EFHD1: variants seen among roughly 807,000 people sequenced by gnomAD.
The protein encoded by EFHD1 is EF-hand domain family member D1, also known as EF-hand domain-containing protein D1.
Under a neutral mutation model 17.2 loss-of-function variants are expected in EFHD1, and 10 were observed. That is an observed-to-expected ratio of 0.58 (90% CI 0.36 to 0.99). The LOEUF is 0.99. EFHD1 is among the 50% of genes least tolerant of loss of function. The pLI is 0.01. For missense variants in EFHD1, 310 were observed against 327.5 expected, an observed-to-expected ratio of 0.95 and a Z score of 0.41; for synonymous variants, 153 against 142.0, an observed-to-expected ratio of 1.08 and a Z score of -0.55.
intron 1 of EFHD1, among the ~76,000 whole-genome samples, chr2:232,650,641 T>A (rs1367812746): frequency 6.8e-6 from 1 of 147,102 alleles, no homozygotes; most frequent in African/African-American, 2.5e-5. Flanking sequence ...CGATCTTGGC[T>A]CATTGCAACC....
rs185816298 is a variant in EFHD1 at position 232,681,702 on chromosome 2, G to A, written c.703G>A (p.Ala235Thr). ...LRQAAFQKLK[A>T]NFNT The stretch of plus-strand genomic sequence containing the variant: ...CCAGGCAGCCTTCCAGAAACTCAAG[G>A]CCAACTTCAATACATAGTCCTGCTG... Residue 235 changes from alanine to threonine, a missense_variant, in exon 4 of 4, where the codon GCC becomes ACC. Ala to Thr is a moderately conservative substitution (Grantham distance 58). Transcript: ENST00000264059. 1.5e-4 allele frequency: 250 copies of A among 1,614,184 alleles called. 1 individual carries two copies. The East Asian group carries it at 5.3e-3, about 35-fold the overall frequency.
intron 2 of EFHD1, among the ~76,000 whole-genome samples, chr2:232,663,422 A>C (rs1203212720): frequency 6.6e-6 from 1 of 151,882 alleles, no homozygotes; most frequent in Admixed American, 6.6e-5. Flanking sequence ...CCCAGGCTGG[A>C]GTGCAATGGT....
intron 1 of EFHD1, among the ~76,000 whole-genome samples, chr2:232,619,861 G>C (rs1323831367): frequency 6.6e-6 from 1 of 151,868 alleles, no homozygotes. Flanking sequence ...CTATGATCAG[G>C]CCACTGCACT....
In EFHD1 at chr2:232,662,925, C is replaced by G; in HGVS notation, c.426C>G (p.Phe142Leu). ...TGATCAAGGAGGTGGATGAGGACTT[C>G]GATGGCAAGCTCAGCTTCCGGGAGG... ...KSMIKEVDED[F>L]DGKLSFREFL... Residue 142 changes from phenylalanine (F) to leucine (L), a missense_variant, in exon 2 of 4, where the codon TTC becomes TTG. Phe to Leu is a conservative substitution (Grantham distance 22). Transcript: ENST00000264059. 6.3e-7 allele frequency: 1 copy of G among 1,589,868 alleles called. No individual in the cohort carries two copies. The highest frequency in any genetic ancestry group is 8.5e-7 in the Non-Finnish European group (1 of 1,170,908).
chr2:232,607,607 T>A (rs1574694914), intron 1 of EFHD1, among the ~76,000 whole-genome samples: 1 of 149,574 alleles, frequency 6.7e-6, no homozygotes, highest in African/African-American at 2.5e-5. Context: ...AAAAAAAAAA[T>A]TAGCTGGGTG....
upstream of EFHD1, chr2:232,633,116 C>T (rs1365717406): frequency 6.6e-6 from 1 of 152,212 alleles, no homozygotes; most frequent in African/African-American, 2.4e-5. Context: ...AGCAGCTCCC[C>T]CGCCCCACGC....
At chr2:232,638,070 G>T in intron 1 of EFHD1, 2 of 220,612 alleles carry the variant, frequency 9.1e-6, no homozygotes, top group Non-Finnish European at 1.9e-5. Context: ...TTCCAAGCCT[G>T]TTACTGGATA....
chr2:232,637,409 T>C (rs1472122558), intron 1 of EFHD1, among the ~76,000 whole-genome samples: 2 of 149,548 alleles, frequency 1.3e-5, no homozygotes, highest in African/African-American at 4.9e-5. Context: ...AGTGGTGCGA[T>C]CTTGGCTCGC....
upstream of EFHD1, among the ~76,000 whole-genome samples, chr2:232,630,120 TTG>T (rs1694176950): frequency 6.6e-6 from 1 of 152,082 alleles, no homozygotes; most frequent in African/African-American, 2.4e-5. Context: ...CAGCTAATTT[TTG>T]TGTTTTTAGT....
At chr2:232,673,980 C>T (rs1695126549) in intron 3 of EFHD1, among the ~76,000 whole-genome samples, 2 of 147,428 alleles carry the variant, frequency 1.4e-5, no homozygotes, top group African/African-American at 5.0e-5. Flanking sequence ...ACGATCTTGG[C>T]TCACTGGCAC....
intron 3 of EFHD1, among the ~76,000 whole-genome samples, chr2:232,673,735 T>C (rs1695120507): frequency 6.6e-6 from 1 of 152,084 alleles, no homozygotes; most frequent in Admixed American, 6.6e-5. Context: ...ACCCAGCTTT[T>C]TATTTTATTT....
intron 1 of EFHD1, among the ~76,000 whole-genome samples, chr2:232,660,611 G>A (rs986360680): frequency 5.9e-5 from 9 of 152,162 alleles, no homozygotes; most frequent in Non-Finnish European, 8.8e-5. Context: ...CTGGGACTAC[G>A]GGTGGGCATA....
At chr2:232,633,422 G>A (rs1574708775), upstream of EFHD1, 3 of 1,174,024 alleles carry the variant, frequency 2.6e-6, no homozygotes, top group South Asian at 3.8e-5. Context: ...CGGAGCCGCG[G>A]GGAGAGGAAG....
At chr2:232,679,555 A>G (rs1465378172) in intron 3 of EFHD1, among the ~76,000 whole-genome samples, 1 of 151,806 alleles carries the variant, frequency 6.6e-6, no homozygotes, top group Non-Finnish European at 1.5e-5. Context: ...TCTCTACAAA[A>G]AATTGAAAAA....
At chr2:232,621,492 G>A (rs996032944) in intron 1 of EFHD1, among the ~76,000 whole-genome samples, 3 of 151,566 alleles carry the variant, frequency 2.0e-5, no homozygotes, top group African/African-American at 4.9e-5. Flanking sequence ...TCACTCTGTC[G>A]CCCAGGCTAG....
At chr2:232,652,904 A>C (rs1434362902) in intron 1 of EFHD1, among the ~76,000 whole-genome samples, 1 of 152,162 alleles carries the variant, frequency 6.6e-6, no homozygotes, top group Non-Finnish European at 1.5e-5. Context: ...TCTGGTGTAT[A>C]TATCCTGGCT....
At chr2:232,607,446 A>T (rs372426240) in intron 1 of EFHD1, among the ~76,000 whole-genome samples, 1 of 148,482 alleles carries the variant, frequency 6.7e-6, no homozygotes, top group African/African-American at 2.5e-5. Context: ...AAAAAAAAAA[A>T]AGCCTGGCGT....
intron 1 of EFHD1, among the ~76,000 whole-genome samples, chr2:232,656,031 C>T (rs1694755175): frequency 6.6e-6 from 1 of 152,082 alleles, no homozygotes; most frequent in Non-Finnish European, 1.5e-5. Context: ...TGGTCTTGAT[C>T]TCCTGACCGC....
In EFHD1 at chr2:232,662,976, C is replaced by T. The variant is rs765773993; in HGVS notation, c.450+27C>T. On this transcript the variant is annotated intron_variant, in intron 2 of 3. Transcript: ENST00000264059. ...TACCTGCCTGCTGTGGCCCTGAGCC[C>T]CTGTGGGGTGCCCCTGAGAGGACCT... 7.8e-6 allele frequency: 12 copies of T among 1,540,358 alleles called. No homozygotes were observed. In the Admixed American group the frequency reaches 2.7e-4, roughly 34 times the overall value.
Sources: allele counts gnomAD v4.1 joint callset (sites outside exome capture counted in the v4.1 genomes callset), GRCh38; gene constraint gnomAD v4.1.1; transcripts MANE v1.5; gene names NCBI Gene and HGNC (gene_info 2026-07-23, HGNC 2026-07-21).